Variants in ITPKC observed in about 807,000 individuals in gnomAD.
The protein encoded by ITPKC is IP3 3-kinase C.
Under a neutral mutation model 67.1 loss-of-function variants are expected in ITPKC, and 33 were observed. The ratio of observed to expected loss-of-function variants is 0.49; its 90% CI spans 0.37 to 0.66. ITPKC has a LOEUF of 0.66. Ranked by LOEUF, ITPKC falls within the 30% of genes least tolerant of loss-of-function variation. The probability of loss-of-function intolerance (pLI) is 0.00; values close to 1 mark genes in which losing one functional copy is unlikely to be tolerated. For synonymous variants in ITPKC, 341 were observed against 359.8 expected (o/e 0.95, Z 0.59); for missense variants, 820 against 892.1 (o/e 0.92, Z 1.03).
chr19:40,735,595 T>C (rs1005085011), intron 4 of ITPKC, among the ~76,000 whole-genome samples: 2 of 152,098 alleles, frequency 1.3e-5, no homozygotes, highest in Non-Finnish European at 2.9e-5. Context: ...CCCTCCCTGA[T>C]TTCTGTTCTA....
intron 4 of ITPKC, among the ~76,000 whole-genome samples, chr19:40,733,592 A>G (rs1214983414): frequency 1.3e-5 from 2 of 151,878 alleles, no homozygotes; most frequent in Non-Finnish European, 2.9e-5. Flanking sequence ...CTCCTTCTCC[A>G]TGGTCATGTC....
chr19:40,721,253 C>T (rs780056185), intron 1 of ITPKC, among the ~76,000 whole-genome samples: 5 of 151,882 alleles, frequency 3.3e-5, no homozygotes, highest in Non-Finnish European at 5.9e-5. Context: ...AGAAGGAGGT[C>T]ACTGGCCAGA....
intron 4 of ITPKC, among the ~76,000 whole-genome samples, chr19:40,735,403 C>T (rs1051288409): frequency 6.6e-5 from 10 of 151,476 alleles, no homozygotes; most frequent in African/African-American, 1.2e-4. Context: ...TACAGTGGCG[C>T]GATCACAGCT....
At chr19:40,736,246 C>T (rs1196101180) in intron 4 of ITPKC, among the ~76,000 whole-genome samples, 1 of 151,746 alleles carries the variant, frequency 6.6e-6, no homozygotes, top group African/African-American at 2.4e-5. Context: ...GCCCAGGTTG[C>T]ACCACTGCAC....
intron 5 of ITPKC, among the ~76,000 whole-genome samples, 193 bp downstream of exon 5, chr19:40,737,280 G>C (rs79972852): frequency 6.6e-6 from 1 of 152,216 alleles, no homozygotes; most frequent in Non-Finnish European, 1.5e-5. Flanking sequence ...CTGCCGGTTG[G>C]CTCATGACTT....
chr19:40,719,975 TTC>T (rs1276365825), intron 1 of ITPKC, among the ~76,000 whole-genome samples: 3 of 152,100 alleles, frequency 2.0e-5, no homozygotes, highest in African/African-American at 7.2e-5. Flanking sequence ...GTCAATTTTT[TTC>T]TGTCATTTTT....
rs558675757 is a variant in ITPKC, at chr19:40,721,388, C to T, written c.1155+3098C>T. On this transcript the variant is annotated intron_variant, in intron 1 of 6. Coordinates refer to ENST00000263370, the MANE Select transcript of ITPKC (RefSeq NM_025194.3). The stretch of plus-strand genomic sequence containing the variant: ...TTTTTTTTTTTTTTTGGAGGGCGTG[C>T]AGTGCGGAGTTTCACTCTGTTGCCT... Among the ~76,000 whole-genome samples the T allele has an allele frequency of 2.7e-4, 41 of 150,484 alleles. 1 individual carries two copies. In the South Asian group the frequency reaches 8.2e-3, roughly 30 times the overall value.
At chr19:40,733,477 C>T (rs2082281336) in intron 4 of ITPKC, 113 bp downstream of exon 4, 6 of 972,176 alleles carry the variant, frequency 6.2e-6, no homozygotes, top group Non-Finnish European at 9.0e-6. Context: ...GGATGAAAGG[C>T]TGGGGCTGGG....
Position 40,729,218 on chromosome 19 carries a change from A to G in ITPKC, c.1272A>G (p.Gly424=). The change falls in exon 3 of 7, where the codon GGA becomes GGG. Residue 424 remains glycine (G), a synonymous_variant. Coordinates refer to ENST00000263370, the MANE Select transcript of ITPKC (RefSeq NM_025194.3). Reference sequence around the variant, plus strand: ...CACCTTTAGGGAACTTCCAGGCAGGAGAGGATGGTCGGATTCTGAAACGTT... The same window carrying G: ...CACCTTTAGGGAACTTCCAGGCAGGGGAGGATGGTCGGATTCTGAAACGTT... ...LSGHAGNFQA[G]EDGRILKRFC... 1.2e-6 allele frequency: 2 copies of G among 1,613,940 alleles called. No individual in the cohort carries two copies. The highest frequency in any genetic ancestry group is 2.2e-5 in the East Asian group (1 of 44,872).
intron 1 of ITPKC, among the ~76,000 whole-genome samples, chr19:40,723,368 ACAGGCGTAAGC>A (rs1250207060): frequency 6.6e-6 from 1 of 152,208 alleles, no homozygotes; most frequent in Non-Finnish European, 1.5e-5. Context: ...TGTTGAGATT[ACAGGCGTAAGC>A]CATCGTACCC....
intron 5 of ITPKC, 104 bp from the exon 6 acceptor site, chr19:40,737,587 CTGGCTAG>C (rs2082300571): frequency 2.1e-6 from 2 of 931,814 alleles, no homozygotes; most frequent in African/African-American, 3.2e-5. Flanking sequence ...CTATTCCATC[CTGGCTAG>C]AGCCTGCCTG....
In ITPKC at chr19:40,739,644, C is replaced by A. The variant is rs2082314391; in HGVS notation, c.*84C>A. On this transcript the variant is annotated 3_prime_UTR_variant, in exon 7 of 7. Transcript: ENST00000263370. ...GATGCCATGGGAGGCCTGAGGTTGG[C>A]CACGGGGGAGCTGGCCTCCAGGGAC... 7.9e-7 allele frequency: 1 copy of A among 1,259,810 alleles called. No homozygotes were observed. Among genetic ancestry groups the A allele is most frequent in the Non-Finnish European group, 1.1e-6 (1 of 902,902 alleles). 78.0% of individuals were successfully genotyped at this position (1,259,810 alleles called of 1,614,324 possible). A position where few individuals can be genotyped will look rare whatever the true frequency, so the allele number is the denominator to read the frequency against.
intron 2 of ITPKC, 147 bp downstream of exon 2, chr19:40,725,586 G>A (rs2082243121): frequency 1.5e-6 from 1 of 654,424 alleles, no homozygotes; most frequent in Non-Finnish European, 2.8e-6. Context: ...CTTAGGCCTG[G>A]GCCTGGCCCT....
intron 4 of ITPKC, among the ~76,000 whole-genome samples, chr19:40,734,831 A>G (rs1477949156): frequency 2.0e-5 from 3 of 146,422 alleles, no homozygotes; most frequent in Non-Finnish European, 4.5e-5. Flanking sequence ...CCCAGGCTAG[A>G]GTGCAGTAGT....
At chr19:40,733,915 T>C (rs1187006095) in intron 4 of ITPKC, among the ~76,000 whole-genome samples, 1 of 152,132 alleles carries the variant, frequency 6.6e-6, no homozygotes. Flanking sequence ...ATTGTTTGAA[T>C]AGCTAGTCAC....
chr19:40,718,208 C>T lies in ITPKC; in HGVS notation c.1073C>T (p.Ser358Phe), dbSNP rs2144728839. 2 of 1,554,672 alleles carry T rather than the reference C, an allele frequency of 1.3e-6. No individual in the cohort carries two copies. Among genetic ancestry groups the T allele is most frequent in the Non-Finnish European group, 1.7e-6 (2 of 1,156,104 alleles). The change falls in exon 1 of 7, where the codon TCC becomes TTC. Residue 358 changes from serine to phenylalanine, a missense_variant. Transcript: ENST00000263370. ...SRVEGGSGGF[S>F]SASSFDESED... ...GTTGAGGGGGGCAGCGGCGGCTTCT[C>T]CTCTGCCTCTTCTTTCGACGAGTCT...
At chr19:40,718,623 C>T (rs1435206223) in intron 1 of ITPKC, among the ~76,000 whole-genome samples, 3 of 152,142 alleles carry the variant, frequency 2.0e-5, no homozygotes, top group Non-Finnish European at 4.4e-5. Flanking sequence ...TACATTGTTG[C>T]AGCGACGGTC....
At chr19:40,731,766 A>G (rs768696491) in intron 3 of ITPKC, among the ~76,000 whole-genome samples, 32 of 151,882 alleles carry the variant, frequency 2.1e-4, no homozygotes, top group Non-Finnish European at 4.3e-4. Context: ...AGACACCAGC[A>G]TTCCTTCCCC....
chr19:40,730,971 G>GC (rs2082268007), intron 3 of ITPKC, among the ~76,000 whole-genome samples: 1 of 152,060 alleles, frequency 6.6e-6, no homozygotes, highest in Non-Finnish European at 1.5e-5. Context: ...CCCCAAGACT[G>GC]CCCCCCAGTT....
Sources: allele counts gnomAD v4.1 joint callset (sites outside exome capture counted in the v4.1 genomes callset), GRCh38; gene constraint gnomAD v4.1.1; transcripts MANE v1.5; gene names NCBI Gene and HGNC (gene_info 2026-07-23, HGNC 2026-07-21).